C11orf54: variants seen among roughly 807,000 people sequenced by gnomAD.
The protein encoded by C11orf54 is beta-keto L-gulonate decarboxylase.
Under a neutral mutation model 35.5 loss-of-function variants are expected in C11orf54, and 29 were observed. That is an observed-to-expected ratio of 0.82 (90% CI 0.61 to 1.11). The LOEUF is 1.11. C11orf54 is among the 50% of genes most tolerant of loss of function. C11orf54 has a pLI of 0.00. For synonymous variants in C11orf54, 108 were observed against 121.1 expected, an observed-to-expected ratio of 0.89 and a Z score of 0.71; for missense variants, 373 against 369.2, an observed-to-expected ratio of 1.01 and a Z score of -0.08.
chr11:93,749,504 C>CA (rs10624807), intron 2 of C11orf54, among the ~76,000 whole-genome samples: 19,073 of 71,774 alleles, frequency 0.27, 3,954 homozygotes, highest in African/African-American at 0.39. Context: ...GACTCTGTCT[C>CA]AAAAAAAAAA....
intron 8 of C11orf54, 97 bp from the exon 9 acceptor site, chr11:93,761,418 A>T: frequency 8.5e-7 from 1 of 1,172,598 alleles, no homozygotes; most frequent in Admixed American, 2.5e-5. Context: ...TTACCTATTT[A>T]AAAAATAAAA....
intron 2 of C11orf54, 120 bp downstream of exon 2, chr11:93,747,568 A>AG: frequency 1.1e-5 from 3 of 263,448 alleles, no homozygotes; most frequent in Non-Finnish European, 1.9e-5. Context: ...ACTTATCAAA[A>AG]TAATACTTTT....
In C11orf54 at chr11:93,763,334, T is replaced by C. The variant is rs1324618545; in HGVS notation, c.*1646T>C. 2 of 151,982 alleles carry C rather than the reference T, an allele frequency of 1.3e-5. No individual in the cohort carries two copies. The highest frequency in any genetic ancestry group is 2.9e-5 in the Non-Finnish European group (2 of 68,008). 9.4% of individuals were successfully genotyped at this position (151,982 alleles called of 1,614,324 possible). ...AACAATAAATATATAATATGTCAGG[T>C]GGTATTAAATGCTATGAAAAGAAAG... On this transcript the variant is annotated 3_prime_UTR_variant, in exon 9 of 9. Coordinates refer to ENST00000354421, the MANE Select transcript of C11orf54 (RefSeq NM_001286069.2).
At chr11:93,747,171 G>A (rs1217700837) in intron 1 of C11orf54, 126 bp from the exon 2 acceptor site, 3 of 357,670 alleles carry the variant, frequency 8.4e-6, no homozygotes, top group Non-Finnish European at 1.5e-5. Flanking sequence ...GTATTAAAAG[G>A]CCACTTGTCT....
At chr11:93,755,418 T>C (rs1401676659) in intron 6 of C11orf54, 32 bp downstream of exon 6, 2 of 1,590,832 alleles carry the variant, frequency 1.3e-6, no homozygotes. Flanking sequence ...CAATATTCCC[T>C]AAATGTTCTC....
intron 8 of C11orf54, among the ~76,000 whole-genome samples, chr11:93,760,594 T>C (rs571513501): frequency 6.6e-6 from 1 of 152,284 alleles, no homozygotes; most frequent in East Asian, 1.9e-4. Flanking sequence ...TATAATACTA[T>C]ACGCTAGAAA....
At chr11:93,749,716 T>A (rs1176441282) in intron 2 of C11orf54, among the ~76,000 whole-genome samples, 1 of 152,180 alleles carries the variant, frequency 6.6e-6, no homozygotes. Context: ...GAGACACCTA[T>A]GCTTTTTTAC....
In C11orf54 at chr11:93,763,798, A is replaced by G. The variant is rs548750709; in HGVS notation, c.*2110A>G. On this transcript the variant is annotated 3_prime_UTR_variant, in exon 9 of 9. Transcript: ENST00000354421. ...GACTGATGAAGCCACACACACACCA[A>G]CAGAGTATGAAAGGGTTGTTACTCA... 2.3e-3 allele frequency: 353 copies of G among 152,384 alleles called. 1 individual carries two copies. Among genetic ancestry groups the G allele is most frequent in the Non-Finnish European group, 3.4e-3 (234 of 68,156 alleles). 9.4% of individuals were successfully genotyped at this position (152,384 alleles called of 1,614,324 possible).
At position 93,750,444 on chromosome 11, in the gene C11orf54, G is replaced by T. The variant is rs1445526458; in HGVS notation, c.154G>T (p.Gly52Cys). 2 of 1,609,644 alleles carry T rather than the reference G, an allele frequency of 1.2e-6. No homozygotes were observed. The highest frequency in any genetic ancestry group is 1.7e-6 in the Non-Finnish European group (2 of 1,177,430). Residue 52 changes from glycine (G) to cysteine (C), a missense_variant and splice_region_variant, in exon 3 of 9, where the codon GGC becomes TGC. Gly to Cys is a radical substitution (Grantham distance 159). Transcript: ENST00000354421. ...TKEPFTFPVKGICGKTRIAEV... is the reference protein window; with the variant it reads ...TKEPFTFPVKCICGKTRIAEV... ...GGAACCCTTTACCTTTCCTGTAAAA[G>T]GTAAGCAATTTTTGCAATTAGCTTT...
chr11:93,757,180 C>A, intron 6 of C11orf54, 136 bp from the exon 7 acceptor site: 1 of 878,472 alleles, frequency 1.1e-6, no homozygotes, highest in Non-Finnish European at 1.7e-6. Context: ...CACGGGATTG[C>A]AACATCTCAA....
chr11:93,746,767 A>AT (rs1024571145), intron 1 of C11orf54: 1 of 152,176 alleles, frequency 6.6e-6, no homozygotes, highest in African/African-American at 2.4e-5. Context: ...AACTCATTTA[A>AT]TTTTTGGCCT....
intron 6 of C11orf54, among the ~76,000 whole-genome samples, chr11:93,756,918 G>C (rs183281910): frequency 6.6e-6 from 1 of 152,092 alleles, no homozygotes; most frequent in Non-Finnish European, 1.5e-5. Flanking sequence ...GTGAGAAAAT[G>C]TAATCATTTT....
intron 7 of C11orf54, among the ~76,000 whole-genome samples, chr11:93,757,704 G>A (rs1245565634): frequency 6.6e-6 from 1 of 152,034 alleles, no homozygotes; most frequent in African/African-American, 2.4e-5. Flanking sequence ...TCATTTTGTA[G>A]TTTTAGTAGA....
rs10624807 is a variant in C11orf54, at chr11:93,749,504, CAAAAAAAA to C, written c.56-826_56-819del. On this transcript the variant is annotated intron_variant, in intron 2 of 8. Transcript: ENST00000354421. ...AGGCTATCAGAGTGAGACTCTGTCT[CAAAAAAAA>C]AAAAAAAAAAAAAAACTGTTGAGGC... is the stretch of plus-strand genomic sequence containing the variant. Among the ~76,000 whole-genome samples, 13 of 71,742 alleles carry C rather than the reference CAAAAAAAA, an allele frequency of 1.8e-4. No individual in the cohort carries two copies. The East Asian group carries it at 5.1e-3, about 28-fold the overall frequency. The allele number at this position is 71,742 out of a possible 152,430, so 47.1% of individuals were successfully genotyped here. A position where few individuals can be genotyped will look rare whatever the true frequency, so the allele number is the denominator to read the frequency against.
At chr11:93,749,943 TGTTTTG>T (rs1942723093) in intron 2 of C11orf54, among the ~76,000 whole-genome samples, 2 of 152,342 alleles carry the variant, frequency 1.3e-5, no homozygotes, top group African/African-American at 4.8e-5. Context: ...TTGTATGTAG[TGTTTTG>T]TGTCTGGCTG....
At chr11:93,758,813 C>T (rs187535230) in intron 7 of C11orf54, among the ~76,000 whole-genome samples, 9 of 152,374 alleles carry the variant, frequency 5.9e-5, no homozygotes, top group Middle Eastern at 3.4e-3. Flanking sequence ...CAGCAGGAGG[C>T]AGACAGGTTC....
In C11orf54 at chr11:93,761,558, A is replaced by G; in HGVS notation, c.818A>G (p.His273Arg). ...GAGCACACTCATTTTTTTAGTCGTC[A>G]TGGAGAAGGTGGACACTACCATTAT... Reference protein sequence around the residue: ...RLEHTHFFSRHGEGGHYHYDT... With the variant: ...RLEHTHFFSRRGEGGHYHYDT... The change falls in exon 9 of 9, where the codon CAT becomes CGT. Residue 273 changes from histidine to arginine, a missense_variant. Physicochemically the swap from His to Arg is conservative, Grantham distance 29. Coordinates refer to ENST00000354421, the MANE Select transcript of C11orf54 (RefSeq NM_001286069.2). 6.2e-7 allele frequency: 1 copy of G among 1,611,576 alleles called. No individual in the cohort carries two copies. Among genetic ancestry groups the G allele is most frequent in the Non-Finnish European group, 8.5e-7 (1 of 1,179,056 alleles).
At chr11:93,759,934 C>A in intron 8 of C11orf54, 76 bp downstream of exon 8, 1 of 896,480 alleles carries the variant, frequency 1.1e-6, no homozygotes, top group Non-Finnish European at 1.7e-6. Context: ...AAGAACTAGG[C>A]ACTTTTGTGT....
At chr11:93,743,703 A>G (rs1023876964) in intron 1 of C11orf54, among the ~76,000 whole-genome samples, 3 of 152,126 alleles carry the variant, frequency 2.0e-5, no homozygotes, top group Non-Finnish European at 4.4e-5. Flanking sequence ...TGGTTGTGAA[A>G]AGTTTTGAGA....
Sources: gnomAD v4.1 joint callset for allele counts (sites outside exome capture counted in the v4.1 genomes callset) on GRCh38, gnomAD v4.1.1 for gene constraint, MANE v1.5 for transcripts, NCBI Gene and HGNC (gene_info 2026-07-23, HGNC 2026-07-21) for gene names.